Variants in CDS1 observed in about 807,000 individuals in gnomAD.
CDS1 encodes phosphatidate cytidylyltransferase 1.
CDS1 carries 41 observed loss-of-function variants against 62.1 expected under a neutral mutation model. The ratio of observed to expected loss-of-function variants is 0.66; its 90% CI spans 0.51 to 0.86. CDS1 has a LOEUF of 0.86. Ranked by LOEUF, CDS1 falls within the 40% of genes least tolerant of loss-of-function variation. CDS1 has a pLI of 0.00. For synonymous variants in CDS1, 185 were observed against 192.6 expected (o/e 0.96, Z 0.32); for missense variants, 470 against 550.1 (o/e 0.85, Z 1.46).
intron 1 of CDS1, among the ~76,000 whole-genome samples, chr4:84,588,179 C>T (rs764313352): frequency 2.0e-5 from 3 of 152,104 alleles, no homozygotes; most frequent in Non-Finnish European, 4.4e-5. Context: ...TCAAGGGGAG[C>T]ACACGTGGAA....
chr4:84,648,452 C>A, intron 12 of CDS1, 105 bp from the exon 13 acceptor site: 1 of 1,022,432 alleles, frequency 9.8e-7, no homozygotes. Context: ...TGTAAAGATT[C>A]CTACTCTACA....
At chr4:84,588,265 A>G (rs757793065) in intron 1 of CDS1, among the ~76,000 whole-genome samples, 2 of 152,164 alleles carry the variant, frequency 1.3e-5, no homozygotes, top group Non-Finnish European at 2.9e-5. Context: ...TGTGAAGTTG[A>G]GGAGAAAACA....
At chr4:84,631,733 C>T (rs1206725309) in intron 5 of CDS1, 86 bp from the exon 6 acceptor site, 2 of 1,035,874 alleles carry the variant, frequency 1.9e-6, no homozygotes, top group East Asian at 2.4e-5. Flanking sequence ...AGCTGTGATA[C>T]AGCAAATTGG....
chr4:84,589,671 A>G lies in CDS1; in HGVS notation c.117+6153A>G, dbSNP rs17009165. ...CTGGCTTCCAAAATATCGGCAACCC[A>G]GCCAGGTGGTAAGACAGAGCTGGGT... is the stretch of plus-strand genomic sequence containing the variant. On this transcript the variant is annotated intron_variant, in intron 1 of 12. Coordinates refer to ENST00000295887, the MANE Select transcript of CDS1 (RefSeq NM_001263.4). Among the ~76,000 whole-genome samples, 1,198 of 152,356 alleles carry G rather than the reference A, an allele frequency of 7.9e-3. 19 individuals carry two copies. Among genetic ancestry groups the G allele is most frequent in the African/African-American group, 0.027 (1,139 of 41,578 alleles).
intron 12 of CDS1, among the ~76,000 whole-genome samples, chr4:84,648,197 A>T (rs1217303121): frequency 6.6e-6 from 1 of 152,180 alleles, no homozygotes; most frequent in East Asian, 1.9e-4. Context: ...TCCTATGTTC[A>T]CCAGGCTCCT....
intron 1 of CDS1, among the ~76,000 whole-genome samples, chr4:84,596,999 G>T (rs1481469455): frequency 6.6e-6 from 1 of 152,190 alleles, no homozygotes; most frequent in Non-Finnish European, 1.5e-5. Flanking sequence ...AGGAGGCTGG[G>T]TTTATACCCT....
chr4:84,601,650 C>A (rs542906335), intron 1 of CDS1, among the ~76,000 whole-genome samples: 1 of 152,256 alleles, frequency 6.6e-6, no homozygotes, highest in South Asian at 2.1e-4. Context: ...CGGTGGCTCA[C>A]CCCTGTAATC....
chr4:84,599,432 A>G (rs1722864499), intron 1 of CDS1, among the ~76,000 whole-genome samples: 1 of 24,288 alleles, frequency 4.1e-5, no homozygotes, highest in African/African-American at 1.2e-4. Flanking sequence ...ATATATATAT[A>G]TATATATATA....
Position 84,591,265 on chromosome 4 carries a change from T to G in CDS1, c.117+7747T>G, listed in dbSNP as rs192649775. Among the ~76,000 whole-genome samples the G allele has an allele frequency of 5.3e-5, 8 of 152,364 alleles. No individual in the cohort carries two copies. The East Asian group carries it at 1.5e-3, about 29-fold the overall frequency. ...CAGGGGTTTGGCATGTTTGTTTTCCTTTAACCATTTTATATTTGGGGATGT... is the reference window on the plus strand; with the variant it reads ...CAGGGGTTTGGCATGTTTGTTTTCCGTTAACCATTTTATATTTGGGGATGT... On this transcript the variant is annotated intron_variant, in intron 1 of 12. Coordinates refer to ENST00000295887, the MANE Select transcript of CDS1 (RefSeq NM_001263.4).
At chr4:84,608,652 A>G (rs1247668131) in intron 2 of CDS1, among the ~76,000 whole-genome samples, 8 of 152,092 alleles carry the variant, frequency 5.3e-5, no homozygotes, top group Non-Finnish European at 1.0e-4. Context: ...GTTCGGTATT[A>G]TCTTTCATTA....
At chr4:84,608,646 G>A (rs189734575) in intron 2 of CDS1, among the ~76,000 whole-genome samples, 166 of 152,078 alleles carry the variant, frequency 1.1e-3, no homozygotes, top group African/African-American at 3.9e-3. Context: ...GTTTTAGTTC[G>A]GTATTATCTT....
chr4:84,632,181 C>A (rs937819623), intron 6 of CDS1, among the ~76,000 whole-genome samples: 5 of 152,018 alleles, frequency 3.3e-5, no homozygotes, highest in Non-Finnish European at 7.4e-5. Flanking sequence ...TTCTTAGTCT[C>A]CTGGACAGTT....
rs748341714 is a variant in CDS1, at chr4:84,583,475, A to G, written c.74A>G (p.Glu25Gly). 6.4e-7 allele frequency: 1 copy of G among 1,567,554 alleles called. No individual in the cohort carries two copies. The highest frequency in any genetic ancestry group is 8.6e-7 in the Non-Finnish European group (1 of 1,158,818). ...GTGTCGCCGCCACACCGCGAGGGAG[A>G]GGCGGCCGGCGGCGACCACGAAACC... is the stretch of plus-strand genomic sequence containing the variant. ...EAVSPPHREG[E>G]AAGGDHETES... Residue 25 changes from glutamate to glycine, a missense_variant, in exon 1 of 13, where the codon GAG becomes GGG. Glu to Gly is a moderately conservative substitution (Grantham distance 98). Around this residue, in one of 5 missense-constraint regions of CDS1, gnomAD observed 150 missense variants for 142.0 expected, o/e 1.06. Transcript: ENST00000295887.
chr4:84,623,314 T>G (rs560374276), intron 5 of CDS1, among the ~76,000 whole-genome samples: 4 of 152,374 alleles, frequency 2.6e-5, no homozygotes, highest in African/African-American at 9.6e-5. Flanking sequence ...TTTGTGCATT[T>G]CTAAAGATAT....
intron 3 of CDS1, among the ~76,000 whole-genome samples, chr4:84,611,992 A>T (rs1723339027): frequency 6.6e-6 from 1 of 152,022 alleles, no homozygotes; most frequent in South Asian, 2.1e-4. Flanking sequence ...TTGAGGAAGA[A>T]GGGACCAAGT....
chr4:84,631,716 TATGCCTAGCTGTG>T, intron 5 of CDS1, 90 bp from the exon 6 acceptor site: 4 of 847,206 alleles, frequency 4.7e-6, no homozygotes, highest in Non-Finnish European at 8.0e-6. Context: ...GTAGCTAAAA[TATGCCTAGCTGTG>T]ATACAGCAAA....
At chr4:84,619,079 A>ACACACG (rs1723590031) in intron 4 of CDS1, among the ~76,000 whole-genome samples, 2 of 148,046 alleles carry the variant, frequency 1.4e-5, no homozygotes, top group Admixed American at 1.3e-4. Context: ...ACACACACAC[A>ACACACG]CACACACTGC....
intron 1 of CDS1, among the ~76,000 whole-genome samples, chr4:84,589,393 T>G (rs1263964534): frequency 6.6e-6 from 1 of 152,218 alleles, no homozygotes; most frequent in East Asian, 1.9e-4. Context: ...TTCTTCATTT[T>G]GGTACACTTC....
chr4:84,604,302 G>A lies in CDS1; in HGVS notation c.177G>A (p.Pro59=), dbSNP rs190514722. ...ATTCCAGAACAGATTCTGATATTCCGGAAATTCCACCATCCTCAGATAGAA... is the reference window on the plus strand; with the variant it reads ...ATTCCAGAACAGATTCTGATATTCCAGAAATTCCACCATCCTCAGATAGAA... ...DLDSRTDSDI[P]EIPPSSDRTP... Residue 59 remains proline (P), a synonymous_variant, in exon 2 of 13, where the codon CCG becomes CCA. Transcript: ENST00000295887. The A allele has an allele frequency of 3.6e-5, 58 of 1,612,038 alleles. No homozygotes were observed. Among genetic ancestry groups the A allele is most frequent in the African/African-American group, 1.3e-4 (10 of 74,980 alleles).
Sources: allele counts gnomAD v4.1 joint callset (sites outside exome capture counted in the v4.1 genomes callset), GRCh38; gene constraint gnomAD v4.1.1; regional missense constraint gnomAD v4.1.1; transcripts MANE v1.5; gene names NCBI Gene and HGNC (gene_info 2026-07-23, HGNC 2026-07-21).